PDSS2: variants seen among roughly 807,000 people sequenced by gnomAD.
PDSS2 encodes the protein decaprenyl diphosphate synthase subunit 2, also known as all trans-polyprenyl-diphosphate synthase PDSS2.
PDSS2 carries 31 observed loss-of-function variants against 44.5 expected under a neutral mutation model. The ratio of observed to expected loss-of-function variants is 0.70; its 90% CI spans 0.52 to 0.94. The LOEUF is 0.94. Ranked by LOEUF, PDSS2 falls within the 40% of genes least tolerant of loss-of-function variation. The pLI, the probability that PDSS2 is intolerant of heterozygous loss-of-function variation, is 0.00. For missense variants in PDSS2, 452 were observed against 482.2 expected (o/e 0.94, Z 0.59); for synonymous variants, 157 against 180.3 (o/e 0.87, Z 1.03).
At chr6:107,368,213 G>A (rs553891868) in intron 1 of PDSS2, among the ~76,000 whole-genome samples, 20 of 148,778 alleles carry the variant, frequency 1.3e-4, no homozygotes, top group Admixed American at 2.0e-4. Flanking sequence ...AAGTTGCAGT[G>A]AGACAAGATC....
At chr6:107,207,978 GTT>G (rs756043067) in intron 6 of PDSS2, among the ~76,000 whole-genome samples, 1 of 67,560 alleles carries the variant, frequency 1.5e-5, no homozygotes, top group Non-Finnish European at 2.6e-5. Context: ...TCTATGACTT[GTT>G]TTTTTTTTTT....
At chr6:107,416,708 G>C (rs1038701702) in intron 1 of PDSS2, among the ~76,000 whole-genome samples, 1 of 152,154 alleles carries the variant, frequency 6.6e-6, no homozygotes, top group Non-Finnish European at 1.5e-5. Flanking sequence ...TCTGGCACTT[G>C]CTTTGGTAGA....
intron 1 of PDSS2, among the ~76,000 whole-genome samples, chr6:107,432,614 A>G (rs1781225149): frequency 2.0e-5 from 3 of 152,202 alleles, no homozygotes; most frequent in Non-Finnish European, 4.4e-5. Context: ...AACAAAATAC[A>G]GAAATACAAA....
chr6:107,398,319 C>A (rs949094876), intron 1 of PDSS2, among the ~76,000 whole-genome samples: 14 of 152,298 alleles, frequency 9.2e-5, no homozygotes, highest in Admixed American at 2.0e-4. Context: ...CAAAACAATC[C>A]TACTCCTTAG....
chr6:107,405,448 A>G (rs1179560944), intron 1 of PDSS2, among the ~76,000 whole-genome samples: 1 of 152,080 alleles, frequency 6.6e-6, no homozygotes, highest in East Asian at 1.9e-4. Context: ...AAGAGAGAGA[A>G]ACAAAGGATC....
chr6:107,422,845 A>G (rs1780869694), intron 1 of PDSS2, among the ~76,000 whole-genome samples: 1 of 152,146 alleles, frequency 6.6e-6, no homozygotes, highest in Non-Finnish European at 1.5e-5. Flanking sequence ...TTATACAAAA[A>G]TAAAATTAAT....
chr6:107,375,596 T>C lies in PDSS2; in HGVS notation c.297-41264A>G, dbSNP rs147735999. ...ACTGGTGAATTCTATCAAATATTTATGGAAGAACTCATACCAGCAGCTCTT... is the reference window on the plus strand; with the variant it reads ...ACTGGTGAATTCTATCAAATATTTACGGAAGAACTCATACCAGCAGCTCTT... On this transcript the variant is annotated intron_variant, in intron 1 of 7. Transcript: ENST00000369037. 3.3e-5 allele frequency among the ~76,000 whole-genome samples: 5 copies of C among 152,310 alleles called. No homozygotes were observed. In the East Asian group the frequency reaches 7.7e-4, roughly 23 times the overall value.
intron 3 of PDSS2, among the ~76,000 whole-genome samples, chr6:107,258,667 G>T (rs141470418): frequency 2.0e-3 from 297 of 152,218 alleles, no homozygotes; most frequent in African/African-American, 6.9e-3. Flanking sequence ...GCTGGATGTG[G>T]TGGTGGGTGC....
At chr6:107,358,921 G>T (rs9486597) in intron 1 of PDSS2, among the ~76,000 whole-genome samples, 20,758 of 150,520 alleles carry the variant, frequency 0.14, 1,591 homozygotes, top group East Asian at 0.25. Context: ...GGATAAGGCA[G>T]ACTACTATCT....
At chr6:107,411,316 G>A (rs764160264) in intron 1 of PDSS2, among the ~76,000 whole-genome samples, 8 of 152,176 alleles carry the variant, frequency 5.3e-5, no homozygotes, top group Non-Finnish European at 1.2e-4. Context: ...TTGTACTTTT[G>A]ACAGACATGG....
At chr6:107,304,788 C>T (rs1026799109) in intron 2 of PDSS2, among the ~76,000 whole-genome samples, 1 of 152,150 alleles carries the variant, frequency 6.6e-6, no homozygotes, top group South Asian at 2.1e-4. Flanking sequence ...TGGTAAGTAT[C>T]GCTCAAAAGT....
chr6:107,399,908 T>A (rs1451085333), intron 1 of PDSS2, among the ~76,000 whole-genome samples: 2 of 152,192 alleles, frequency 1.3e-5, no homozygotes, highest in Non-Finnish European at 1.5e-5. Flanking sequence ...AACAAAATAG[T>A]GTGTAGAGAT....
chr6:107,263,396 TGAGCCGA>T (rs1775310644), intron 3 of PDSS2, among the ~76,000 whole-genome samples: 1 of 149,928 alleles, frequency 6.7e-6, no homozygotes, highest in East Asian at 2.0e-4. Flanking sequence ...GAGTTTGCAG[TGAGCCGA>T]GACTGAGCCA....
chr6:107,173,306 G>C (rs1475485028), intron 7 of PDSS2, among the ~76,000 whole-genome samples: 4 of 151,720 alleles, frequency 2.6e-5, no homozygotes, highest in Non-Finnish European at 4.4e-5. Flanking sequence ...AGGCGCGGTG[G>C]CTCACAGCTG....
intron 1 of PDSS2, among the ~76,000 whole-genome samples, chr6:107,399,824 A>G (rs911500418): frequency 1.3e-4 from 20 of 152,248 alleles, no homozygotes; most frequent in African/African-American, 4.3e-4. Context: ...AAATTTTTAT[A>G]TCAGCAATCT....
chr6:107,342,600 TAGG>T (rs1778115656), intron 1 of PDSS2, among the ~76,000 whole-genome samples: 5 of 152,196 alleles, frequency 3.3e-5, no homozygotes, highest in Non-Finnish European at 2.9e-5. Flanking sequence ...TTTCTTCATT[TAGG>T]AGAACTGACT....
At chr6:107,317,824 T>A (rs1777248009) in intron 2 of PDSS2, among the ~76,000 whole-genome samples, 7 of 152,170 alleles carry the variant, frequency 4.6e-5, no homozygotes, top group Admixed American at 4.6e-4. Context: ...TACTGTTAGA[T>A]TAGTGGTCCC....
At chr6:107,436,923 CAG>C (rs1781366874) in intron 1 of PDSS2, among the ~76,000 whole-genome samples, 1 of 151,958 alleles carries the variant, frequency 6.6e-6, no homozygotes, top group Non-Finnish European at 1.5e-5. Flanking sequence ...TTTACTACGA[CAG>C]ATGATGGTAC....
At chr6:107,327,462 T>C (rs1388536912) in intron 2 of PDSS2, among the ~76,000 whole-genome samples, 1 of 152,192 alleles carries the variant, frequency 6.6e-6, no homozygotes, top group Non-Finnish European at 1.5e-5. Context: ...AAATAAACTT[T>C]TGATGAGACT....
Sources: allele counts gnomAD v4.1 joint callset (sites outside exome capture counted in the v4.1 genomes callset), GRCh38; gene constraint gnomAD v4.1.1; transcripts MANE v1.5; gene names NCBI Gene and HGNC (gene_info 2026-07-23, HGNC 2026-07-21).